Variants in PCDH15 observed in about 807,000 individuals in gnomAD.
The protein encoded by PCDH15 is protocadherin related 15, also known as protocadherin-15.
PCDH15 carries 129 observed loss-of-function variants against 178.5 expected under a neutral mutation model. The ratio of observed to expected loss-of-function variants is 0.72; its 90% CI spans 0.63 to 0.84. PCDH15 has a LOEUF of 0.84. Among genes scored for constraint, PCDH15 ranks in the 40% least tolerant of loss-of-function variants. The pLI, the probability that PCDH15 is intolerant of heterozygous loss-of-function variation, is 0.00. For missense variants in PCDH15, 2,230 were observed against 2,099.9 expected (o/e 1.06, Z -1.21); for synonymous variants, 800 against 732.0 (o/e 1.09, Z -1.50).
At position 53,807,037 on chromosome 10, in the gene PCDH15, G is replaced by A. The variant is rs375643153; in HGVS notation, c.4765C>T (p.Arg1589Cys). ...CTGTGGATACTAGGATGGTGAAGACGGTTTCTCTGACATTCAGGAGCACTG... is the reference window on the plus strand; with the variant it reads ...CTGTGGATACTAGGATGGTGAAGACAGTTTCTCTGACATTCAGGAGCACTG... ...EDSAPECQRN[R>C]LHHPSIHSNI... The change falls in exon 38 of 38, where the codon CGT (arginine) becomes TGT (cysteine). Residue 1589 changes from arginine to cysteine, a missense_variant. Arg to Cys is a radical substitution (Grantham distance 180, BLOSUM62 -3). Coordinates refer to ENST00000644397, the MANE Select transcript of PCDH15 (RefSeq NM_001384140.1). 8.1e-5 allele frequency: 131 copies of A among 1,613,452 alleles called. 3 individuals are homozygous for A. In the South Asian group the frequency reaches 1.0e-3, roughly 12 times the overall value.
chr10:54,717,069 GA>G (rs1409781535), intron 1 of PCDH15, among the ~76,000 whole-genome samples: 1 of 147,826 alleles, frequency 6.8e-6, no homozygotes, highest in Admixed American at 6.8e-5. Flanking sequence ...GTAGAAAGCT[GA>G]AACTGGATCC....
Position 54,961,012 on chromosome 10 carries a change from C to A in PCDH15, c.-79-63512G>T, listed in dbSNP as rs186444719. On this transcript the variant is annotated intron_variant, in intron 2 of 5. Coordinates refer to the PCDH15 transcript ENST00000458638. ...TGCTTAAAACAAATCAATGCAAAGG[C>A]AATAACAATAAGAAAGAATTTAATA... Among the ~76,000 whole-genome samples, 17 of 152,236 alleles carry A rather than the reference C, an allele frequency of 1.1e-4. No individual in the cohort carries two copies. In the East Asian group the frequency reaches 3.1e-3, roughly 28 times the overall value.
intron 2 of PCDH15, among the ~76,000 whole-genome samples, chr10:55,549,692 G>A (rs990202890): frequency 6.6e-6 from 1 of 152,110 alleles, no homozygotes; most frequent in Non-Finnish European, 1.5e-5. Context: ...TTCTCCTAAT[G>A]ACTTGAAATT....
chr10:54,690,358 G>A (rs999947194), intron 1 of PCDH15, among the ~76,000 whole-genome samples: 6 of 135,126 alleles, frequency 4.4e-5, no homozygotes, highest in African/African-American at 1.4e-4. Context: ...TTGCCAGGCT[G>A]GGCTGGAGTG....
intron 3 of PCDH15, among the ~76,000 whole-genome samples, chr10:54,834,367 C>T (rs960102551): frequency 1.6e-4 from 24 of 151,680 alleles, no homozygotes; most frequent in Non-Finnish European, 8.8e-5. Flanking sequence ...TTAGTAGAGA[C>T]GGGGTTTTGC....
At chr10:54,475,769 T>C (rs187162465) in intron 3 of PCDH15, among the ~76,000 whole-genome samples, 1 of 151,624 alleles carries the variant, frequency 6.6e-6, no homozygotes, top group Non-Finnish European at 1.5e-5. Flanking sequence ...GTAAAGATGA[T>C]GATGATGATT....
At chr10:54,690,353 A>T (rs1224591725) in intron 1 of PCDH15, among the ~76,000 whole-genome samples, 2 of 127,522 alleles carry the variant, frequency 1.6e-5, no homozygotes, top group Admixed American at 9.3e-5. Context: ...CTCTGTTGCC[A>T]GGCTGGGCTG....
In PCDH15 at chr10:55,115,742, G is replaced by A. The variant is rs1007528913; in HGVS notation, c.-80+50834C>T. On this transcript the variant is annotated intron_variant, in intron 2 of 5. Coordinates refer to the PCDH15 transcript ENST00000458638. ...TTCCATCTGCCATGTCACTATAACA[G>A]GAATTTTAGCTCCTTTTCTAGATTT... 3.9e-5 allele frequency among the ~76,000 whole-genome samples: 6 copies of A among 152,108 alleles called. No individual in the cohort carries two copies. The South Asian group carries it at 1.2e-3, about 32-fold the overall frequency.
chr10:55,163,570 T>C (rs1839116681), intron 2 of PCDH15, among the ~76,000 whole-genome samples: 1 of 151,992 alleles, frequency 6.6e-6, no homozygotes, highest in South Asian at 2.1e-4. Context: ...GGATGTTAGC[T>C]CAAACTACAG....
At chr10:55,316,333 T>C (rs758661411) in intron 1 of PCDH15, among the ~76,000 whole-genome samples, 7 of 152,148 alleles carry the variant, frequency 4.6e-5, no homozygotes, top group South Asian at 2.1e-4. Context: ...ATAAATTATT[T>C]TAAATGTAGA....
intron 25 of PCDH15, among the ~76,000 whole-genome samples, chr10:53,907,963 T>C (rs1289360464): frequency 6.6e-6 from 1 of 152,208 alleles, no homozygotes; most frequent in African/African-American, 2.4e-5. Flanking sequence ...ATGCTAGTTT[T>C]TTCTTTTTAG....
intron 26 of PCDH15, among the ~76,000 whole-genome samples, chr10:53,892,020 G>GTTT (rs869122093): frequency 0.061 from 5,552 of 91,692 alleles, 612 homozygotes; most frequent in African/African-American, 0.21. Flanking sequence ...TTACATCTAT[G>GTTT]TTTTTTTTTT....
chr10:54,315,245 T>C (rs1323749935), intron 8 of PCDH15, among the ~76,000 whole-genome samples: 1 of 152,220 alleles, frequency 6.6e-6, no homozygotes, highest in Non-Finnish European at 1.5e-5. Flanking sequence ...GACTGTGCAA[T>C]GGTTTCTCAT....
At chr10:53,853,484 C>T (rs2078527730) in intron 28 of PCDH15, among the ~76,000 whole-genome samples, 1 of 151,996 alleles carries the variant, frequency 6.6e-6, no homozygotes, top group Non-Finnish European at 1.5e-5. Flanking sequence ...GAAAAGGCAA[C>T]CTATGGAATA....
At chr10:54,254,472 A>C (rs1401453234) in intron 8 of PCDH15, among the ~76,000 whole-genome samples, 1 of 152,130 alleles carries the variant, frequency 6.6e-6, no homozygotes, top group East Asian at 1.9e-4. Flanking sequence ...AACAGTATAA[A>C]ACATTTGGCA....
chr10:54,146,841 T>C (rs2043952621), intron 14 of PCDH15, among the ~76,000 whole-genome samples: 1 of 149,264 alleles, frequency 6.7e-6, no homozygotes, highest in African/African-American at 2.4e-5. Context: ...CATGCCATGG[T>C]TGCTGGCTGG....
At position 54,375,896 on chromosome 10, in the gene PCDH15, T is replaced by A. The variant is rs1027589430; in HGVS notation, c.318+2886A>T. Among the ~76,000 whole-genome samples the A allele has an allele frequency of 1.3e-4, 15 of 111,516 alleles. No individual in the cohort carries two copies. The South Asian group carries it at 1.9e-3, about 14-fold the overall frequency. 73.2% of individuals were successfully genotyped at this position (111,516 alleles called of 152,430 possible). On this transcript the variant is annotated intron_variant, in intron 4 of 37. Transcript: ENST00000644397. ...TTGAAACGGAATATATATATATATA[T>A]AATTTTTTTTCTTTTTGAGACGGAG...
At chr10:55,355,090 C>T (rs1369960044) in intron 2 of PCDH15, among the ~76,000 whole-genome samples, 3 of 151,998 alleles carry the variant, frequency 2.0e-5, no homozygotes, top group Non-Finnish European at 4.4e-5. Context: ...ATAGTCCATT[C>T]ATTTTTATTT....
chr10:54,643,156 C>G (rs2094032848), intron 2 of PCDH15, among the ~76,000 whole-genome samples: 3 of 152,262 alleles, frequency 2.0e-5, no homozygotes, highest in Admixed American at 2.0e-4. Flanking sequence ...AACTCCTGAC[C>G]TCAGGTAATC....
Sources: gnomAD v4.1 joint callset for allele counts (sites outside exome capture counted in the v4.1 genomes callset) on GRCh38, gnomAD v4.1.1 for gene constraint, MANE v1.5 for transcripts, NCBI Gene and HGNC (gene_info 2026-07-23, HGNC 2026-07-21) for gene names.